The following TENM4 variants were observed in gnomAD, a reference collection of about 807,000 sequenced individuals.
TENM4 encodes teneurin-4.
A neutral mutation model predicts 243.3 loss-of-function variants in TENM4; 82 were observed. That is an observed-to-expected ratio of 0.34 (90% confidence interval 0.28 to 0.40). TENM4 has a LOEUF of 0.40. Ranked by LOEUF, TENM4 falls within the 10% of genes least tolerant of loss-of-function variation. TENM4 has a pLI of 1.00. For missense variants in TENM4, 3,138 were observed against 3,673.3 expected, an observed-to-expected ratio of 0.85 and a Z score of 3.77; for synonymous variants, 1,412 against 1,456.3, an observed-to-expected ratio of 0.97 and a Z score of 0.69.
At chr11:78,948,408 C>G (rs1051669831) in intron 6 of TENM4, among the ~76,000 whole-genome samples, 1 of 143,740 alleles carries the variant, frequency 7.0e-6, no homozygotes, top group African/African-American at 2.6e-5. Flanking sequence ...GAGTCTTGCT[C>G]TGTTGCCCAG....
At chr11:79,118,179 G>C (rs1458434910) in intron 4 of TENM4, among the ~76,000 whole-genome samples, 2 of 152,152 alleles carry the variant, frequency 1.3e-5, no homozygotes, top group Non-Finnish European at 2.9e-5. Context: ...GGAAGTGGCA[G>C]TAAGTGGCAG....
intron 6 of TENM4, among the ~76,000 whole-genome samples, chr11:78,969,691 A>G (rs1478498339): frequency 2.6e-5 from 4 of 152,250 alleles, no homozygotes; most frequent in Non-Finnish European, 5.9e-5. Context: ...ACAATGGAAA[A>G]GTGTGAGTCC....
At position 78,696,387 on chromosome 11, in the gene TENM4, G is replaced by C. The variant is rs113034255; in HGVS notation, c.5087+5139C>G. 8.1e-3 allele frequency among the ~76,000 whole-genome samples: 1,229 copies of C among 152,212 alleles called. 17 individuals carry two copies. Among genetic ancestry groups the C allele is most frequent in the African/African-American group, 0.028 (1,149 of 41,532 alleles). ...CTGTGTCATACCTGAACGTGATTCT[G>C]ATGATTTCTTTGCCTCTCGGGAATG... On this transcript the variant is annotated intron_variant, in intron 28 of 33. Transcript: ENST00000278550.
chr11:78,912,451 TTCAC>T (rs1438567417), intron 6 of TENM4, among the ~76,000 whole-genome samples: 1 of 152,220 alleles, frequency 6.6e-6, no homozygotes. Flanking sequence ...GAGACTGGGT[TTCAC>T]CATGTTGGCC....
intron 1 of TENM4, among the ~76,000 whole-genome samples, chr11:79,320,043 A>G (rs1317804311): frequency 6.6e-6 from 1 of 152,178 alleles, no homozygotes; most frequent in Admixed American, 6.5e-5. Flanking sequence ...CTGGCAGGGC[A>G]GGAGAACATA....
intron 3 of TENM4, among the ~76,000 whole-genome samples, chr11:79,155,142 G>T (rs1862578993): frequency 6.6e-6 from 1 of 152,078 alleles, no homozygotes; most frequent in East Asian, 1.9e-4. Context: ...GACCACAACA[G>T]CCCCAAGGAA....
At chr11:79,305,371 A>C (rs1163644915) in intron 1 of TENM4, among the ~76,000 whole-genome samples, 1 of 151,614 alleles carries the variant, frequency 6.6e-6, no homozygotes, top group Non-Finnish European at 1.5e-5. Flanking sequence ...TACCATTTCT[A>C]CTACTAATCA....
chr11:78,890,148 G>C (rs935336115), intron 8 of TENM4, 128 bp from the exon 9 acceptor site: 2 of 696,290 alleles, frequency 2.9e-6, no homozygotes, highest in Non-Finnish European at 4.7e-6. Context: ...AGTCACCACA[G>C]AGACCTGGGA....
intron 6 of TENM4, among the ~76,000 whole-genome samples, chr11:78,989,569 A>T (rs534073657): frequency 9.8e-5 from 15 of 152,364 alleles, no homozygotes; most frequent in Admixed American, 9.8e-4. Flanking sequence ...AATCCTTCAT[A>T]GATTCACAGA....
intron 6 of TENM4, among the ~76,000 whole-genome samples, chr11:78,974,523 G>A (rs1378818440): frequency 1.3e-5 from 2 of 152,108 alleles, no homozygotes; most frequent in African/African-American, 2.4e-5. Flanking sequence ...TAGGCAAATT[G>A]TTTGATCTTT....
At chr11:78,961,648 A>G (rs967104144) in intron 6 of TENM4, among the ~76,000 whole-genome samples, 1 of 152,178 alleles carries the variant, frequency 6.6e-6, no homozygotes, top group South Asian at 2.1e-4. Flanking sequence ...TTTATGGGTA[A>G]TGGGGTAATC....
chr11:79,256,057 C>T (rs1276303023), intron 2 of TENM4, among the ~76,000 whole-genome samples: 4 of 152,214 alleles, frequency 2.6e-5, no homozygotes, highest in Non-Finnish European at 4.4e-5. Context: ...CCACCAGCCT[C>T]AGAGGACAGA....
intron 16 of TENM4, among the ~76,000 whole-genome samples, chr11:78,781,510 T>C (rs944861981): frequency 6.6e-6 from 1 of 152,222 alleles, no homozygotes; most frequent in African/African-American, 2.4e-5. Context: ...CTCTTTGGCC[T>C]TTCTCTGATC....
At chr11:79,390,071 C>T (rs1461214335) in intron 1 of TENM4, among the ~76,000 whole-genome samples, 2 of 152,098 alleles carry the variant, frequency 1.3e-5, no homozygotes, top group Non-Finnish European at 2.9e-5. Flanking sequence ...AAGCAGCCAT[C>T]GTTTAGTCTT....
intron 25 of TENM4, among the ~76,000 whole-genome samples, chr11:78,715,274 C>T (rs1025766410): frequency 6.6e-6 from 1 of 152,190 alleles, no homozygotes; most frequent in African/African-American, 2.4e-5. Flanking sequence ...CTGTGTAATC[C>T]TGGGGCAGCC....
At chr11:78,936,759 C>T (rs550910246) in intron 6 of TENM4, among the ~76,000 whole-genome samples, 2 of 152,240 alleles carry the variant, frequency 1.3e-5, no homozygotes, top group Non-Finnish European at 2.9e-5. Flanking sequence ...TAGTGAATAA[C>T]TTGTACATTT....
At chr11:79,077,473 T>C (rs1860561088) in intron 4 of TENM4, among the ~76,000 whole-genome samples, 1 of 152,202 alleles carries the variant, frequency 6.6e-6, no homozygotes, top group Non-Finnish European at 1.5e-5. Context: ...AAAAATACGC[T>C]TATATTGCAA....
intron 1 of TENM4, among the ~76,000 whole-genome samples, chr11:79,313,112 G>A (rs547915282): frequency 5.9e-5 from 9 of 152,262 alleles, no homozygotes; most frequent in African/African-American, 1.9e-4. Context: ...ATACTTCTCC[G>A]ACTTCAGTTG....
intron 1 of TENM4, among the ~76,000 whole-genome samples, chr11:79,366,607 T>C (rs930621423): frequency 6.6e-6 from 1 of 152,168 alleles, no homozygotes; most frequent in Non-Finnish European, 1.5e-5. Flanking sequence ...AACCAATAGG[T>C]AATTTTCTCT....
Sources: allele counts gnomAD v4.1 joint callset (sites outside exome capture counted in the v4.1 genomes callset), GRCh38; gene constraint gnomAD v4.1.1; transcripts MANE v1.5; gene names NCBI Gene and HGNC (gene_info 2026-07-23, HGNC 2026-07-21).